ZNF335: variants seen among roughly 807,000 people sequenced by gnomAD.
ZNF335 encodes the protein zinc finger protein 335.
In ZNF335, 84 loss-of-function variants were observed where a neutral mutation model predicts 145.6. That is an observed-to-expected ratio of 0.58 (90% CI 0.48 to 0.69). ZNF335 has a LOEUF of 0.69. ZNF335 is among the 30% of genes least tolerant of loss of function. The probability of loss-of-function intolerance (pLI) is 0.00; values close to 1 mark genes in which losing one functional copy is unlikely to be tolerated. For synonymous variants in ZNF335, 761 were observed against 717.0 expected (o/e 1.06, Z -0.98); for missense variants, 1,865 against 1,809.7 (o/e 1.03, Z -0.55).
In ZNF335 at chr20:45,948,670, G is replaced by A. The variant is rs1172553930; in HGVS notation, c.*283C>T. The A allele has an allele frequency of 4.5e-6, 2 of 442,660 alleles. No homozygotes were observed. Among genetic ancestry groups the A allele is most frequent in the African/African-American group, 4.0e-5 (2 of 50,000 alleles). The allele number at this position is 442,660 out of a possible 1,614,324, so 27.4% of individuals were successfully genotyped here. On this transcript the variant is annotated 3_prime_UTR_variant, in exon 28 of 28. Transcript: ENST00000322927. ...AGACAAAGTAAGCTGTTCAGGACTGGACTCCGGTCCCTTTATTGAGACTGA... is the reference window on the plus strand; with the variant it reads ...AGACAAAGTAAGCTGTTCAGGACTGAACTCCGGTCCCTTTATTGAGACTGA...
chr20:45,962,161 C>T lies in ZNF335; in HGVS notation c.1555G>A (p.Gly519Ser). 22 of 1,614,116 alleles carry T rather than the reference C, an allele frequency of 1.4e-5. No homozygotes were observed. The highest frequency in any genetic ancestry group is 1.9e-5 in the Non-Finnish European group (22 of 1,180,014). Residue 519 changes from glycine to serine, a missense_variant, in exon 10 of 28, where the codon GGC becomes AGC. Coordinates refer to ENST00000322927, the MANE Select transcript of ZNF335 (RefSeq NM_022095.4). ...TCGTCACACTTGTAGGGCTTGCTGC[C>T]CACGTGGTTGAACATGTGCTCCTGG... ...SLKEHMFNHV[G>S]SKPYKCDECS...
chr20:45,959,499 T>G, intron 14 of ZNF335, 66 bp from the exon 15 acceptor site: 1 of 1,233,452 alleles, frequency 8.1e-7, no homozygotes, highest in Non-Finnish European at 1.1e-6. Context: ...CAGGAATCCT[T>G]TCTTGACCCT....
Position 45,961,821 on chromosome 20 carries a change from C to G in ZNF335, c.1646+249G>C, listed in dbSNP as rs187173016. ...CCTTCAATCCCTTCAACAACTGTCC[C>G]CGTTTGATGAGAAACTAAAGCTCAC... On this transcript the variant is annotated intron_variant, in intron 10 of 27. Transcript: ENST00000322927. 1.7e-4 allele frequency: 77 copies of G among 446,190 alleles called. No homozygotes were observed. The Admixed American group carries it at 2.5e-3, about 15-fold the overall frequency. 27.6% of individuals were successfully genotyped at this position (446,190 alleles called of 1,614,324 possible). A position where few individuals can be genotyped will look rare whatever the true frequency, so the allele number is the denominator to read the frequency against.
chr20:45,954,360 G>A (rs963867143), intron 17 of ZNF335, among the ~76,000 whole-genome samples: 12 of 152,146 alleles, frequency 7.9e-5, no homozygotes, highest in Non-Finnish European at 1.6e-4. Flanking sequence ...AAATACTGGG[G>A]ACAACTGACA....
At chr20:45,949,607 GA>G in intron 24 of ZNF335, 39 bp from the exon 25 acceptor site, 2 of 1,575,380 alleles carry the variant, frequency 1.3e-6, no homozygotes, top group Non-Finnish European at 1.7e-6. Flanking sequence ...GGCAGGTGCT[GA>G]GGCCCCACTC....
intron 9 of ZNF335, 118 bp from the exon 10 acceptor site, chr20:45,962,300 G>A: frequency 1.3e-6 from 1 of 793,482 alleles, no homozygotes; most frequent in Admixed American, 2.1e-5. Flanking sequence ...CAGAACACAG[G>A]CATGTGGACA....
chr20:45,970,243 G>T (rs1600553515), intron 2 of ZNF335: 1 of 152,934 alleles, frequency 6.5e-6, no homozygotes, highest in Non-Finnish European at 1.5e-5. Flanking sequence ...TTCCTCTGCT[G>T]TATTTCCAGG....
rs77856259 is a variant in ZNF335 at position 45,966,858 on chromosome 20, CTTTTT to C, written c.955+631_955+635del. On this transcript the variant is annotated intron_variant, in intron 6 of 27. Coordinates refer to ENST00000322927, the MANE Select transcript of ZNF335 (RefSeq NM_022095.4). ...GTGAGCCACCATGCCCGGCATTTCTCTTTTTTTTTTTTTTTCTTTTTTTTGAGACA... is the reference window on the plus strand; with the variant it reads ...GTGAGCCACCATGCCCGGCATTTCTCTTTTTTTTTTCTTTTTTTTGAGACA... 373 of 130,652 alleles carry C rather than the reference CTTTTT, an allele frequency of 2.9e-3. 1 individual carries two copies. Among genetic ancestry groups the C allele is most frequent in the Admixed American group, 5.1e-3 (65 of 12,810 alleles). The allele number at this position is 130,652 out of a possible 1,614,324, so 8.1% of individuals were successfully genotyped here. A position where few individuals can be genotyped will look rare whatever the true frequency, so the allele number is the denominator to read the frequency against.
intron 9 of ZNF335, 144 bp downstream of exon 9, chr20:45,963,329 G>C: frequency 2.0e-6 from 2 of 995,032 alleles, no homozygotes; most frequent in East Asian, 2.6e-5. Context: ...CGGTACGCCA[G>C]TGAGCCAGAC....
intron 17 of ZNF335, among the ~76,000 whole-genome samples, chr20:45,954,624 C>G (rs2083692771): frequency 6.6e-6 from 1 of 151,954 alleles, no homozygotes; most frequent in African/African-American, 2.4e-5. Context: ...GTGGACTTCC[C>G]TCATATATGG....
chr20:45,950,840 C>T (rs2083617929), intron 20 of ZNF335, among the ~76,000 whole-genome samples: 1 of 152,064 alleles, frequency 6.6e-6, no homozygotes, highest in Admixed American at 6.5e-5. Context: ...CTCACTTTAC[C>T]CATATGTAAC....
Position 45,955,350 on chromosome 20 carries a change from CAAAAA to C in ZNF335, c.2443-1407_2443-1403del, listed in dbSNP as rs61555698. Among the ~76,000 whole-genome samples, 8 of 37,322 alleles carry C rather than the reference CAAAAA, an allele frequency of 2.1e-4. 1 individual carries two copies. The highest frequency in any genetic ancestry group is 8.2e-4 in the Admixed American group (2 of 2,440). The allele number at this position is 37,322 out of a possible 152,430, so 24.5% of individuals were successfully genotyped here. ...TGGGCAACAGAGCAAGACTCTGTCTCAAAAAAAAAAAAAAAAAAAAGATTTATAAA... is the reference window on the plus strand; with the variant it reads ...TGGGCAACAGAGCAAGACTCTGTCTCAAAAAAAAAAAAAAAGATTTATAAA... On this transcript the variant is annotated intron_variant, in intron 17 of 27. Transcript: ENST00000322927.
intron 9 of ZNF335, among the ~76,000 whole-genome samples, chr20:45,962,811 TTTTGTTTGTTTG>T (rs1192720830): frequency 7.8e-5 from 8 of 102,176 alleles, no homozygotes; most frequent in African/African-American, 3.0e-4. Context: ...GTTTTTTTTT[TTTTGTTTGTTTG>T]TTTTTTTGAG....
chr20:45,949,938 C>T (rs935593883), intron 23 of ZNF335, 28 bp downstream of exon 23: 3 of 1,614,098 alleles, frequency 1.9e-6, no homozygotes. Context: ...CTGTCGCTGG[C>T]CAGAGGGCCC....
rs895979005 is a variant in ZNF335 at position 45,948,844 on chromosome 20, G to T, written c.*109C>A. 15 of 1,538,326 alleles carry T rather than the reference G, an allele frequency of 9.8e-6. No homozygotes were observed. The African/African-American group carries it at 1.8e-4, about 18-fold the overall frequency. ...GCTCCCTGGGAATGAGAGGATGCTGGCTATCCAGTATCTGGAGATCCTAAA... is the reference window on the plus strand; with the variant it reads ...GCTCCCTGGGAATGAGAGGATGCTGTCTATCCAGTATCTGGAGATCCTAAA... On this transcript the variant is annotated 3_prime_UTR_variant, in exon 28 of 28. Coordinates refer to ENST00000322927, the MANE Select transcript of ZNF335 (RefSeq NM_022095.4).
At position 45,960,899 on chromosome 20, in the gene ZNF335, G is replaced by A. The variant is rs376533189; in HGVS notation, c.1647-17C>T. The stretch of plus-strand genomic sequence containing the variant: ...CTCTTCTTCCTGTGGGGAAAAGGCC[G>A]AGGAATTAGACCAGAGCTTCCCCAA... On this transcript the variant is annotated splice_polypyrimidine_tract_variant and intron_variant, in intron 10 of 27. Transcript: ENST00000322927. 434 of 1,612,998 alleles carry A rather than the reference G, an allele frequency of 2.7e-4. No individual in the cohort carries two copies. Among genetic ancestry groups the A allele is most frequent in the Non-Finnish European group, 2.9e-4 (345 of 1,179,634 alleles).
chr20:45,971,840 C>CT, intron 1 of ZNF335: 1 of 984,920 alleles, frequency 1.0e-6, no homozygotes, highest in Non-Finnish European at 1.2e-6. Context: ...CAGTGGTTCG[C>CT]TCCCCCCCGG....
Position 45,971,509 on chromosome 20 carries a change from C to T in ZNF335, c.-50-49G>A, listed in dbSNP as rs1197481152. ...TGGAACAAGTGGGCCATCTCCCCAGCCCCGGCAACCACGGCCACCCATTTG... is the reference window on the plus strand; with the variant it reads ...TGGAACAAGTGGGCCATCTCCCCAGTCCCGGCAACCACGGCCACCCATTTG... On this transcript the variant is annotated intron_variant, in intron 1 of 27. Transcript: ENST00000322927. 3.3e-6 allele frequency: 5 copies of T among 1,527,490 alleles called. No individual in the cohort carries two copies. In the East Asian group the frequency reaches 7.3e-5, roughly 22 times the overall value. The allele number at this position is 1,527,490 out of a possible 1,614,324, so 94.6% of individuals were successfully genotyped here.
In ZNF335 at chr20:45,950,301, G is replaced by A. The variant is rs780483714; in HGVS notation, c.3405C>T (p.Thr1135=). 1.9e-6 allele frequency: 3 copies of A among 1,564,978 alleles called. No individual in the cohort carries two copies. Among genetic ancestry groups the A allele is most frequent in the South Asian group, 1.2e-5 (1 of 82,624 alleles). Reference sequence around the variant, plus strand: ...TCTGGGTAGGGGCCCGGGCTGTAGGGGTTCCTGACTTCCTCCCATCAGGAC... The same window carrying A: ...TCTGGGTAGGGGCCCGGGCTGTAGGAGTTCCTGACTTCCTCCCATCAGGAC... The part of the protein sequence containing the change: ...LHSPDGRKSG[T]PTARAPTQTP... The change falls in exon 22 of 28, where the codon ACC becomes ACT. Residue 1135 remains threonine, a synonymous_variant. Coordinates refer to ENST00000322927, the MANE Select transcript of ZNF335 (RefSeq NM_022095.4).
Sources: allele counts gnomAD v4.1 joint callset (sites outside exome capture counted in the v4.1 genomes callset), GRCh38; gene constraint gnomAD v4.1.1; transcripts MANE v1.5; gene names NCBI Gene and HGNC (gene_info 2026-07-23, HGNC 2026-07-21).